The following PRKCZ variants were observed in gnomAD, a reference collection of about 807,000 sequenced individuals.
PRKCZ encodes the protein protein kinase C zeta.
In PRKCZ, 33 loss-of-function variants were observed where a neutral mutation model predicts 79.5. The observed-to-expected ratio is 0.41, with a 90% CI of 0.31 to 0.55. PRKCZ has a LOEUF of 0.55. Ranked by LOEUF, PRKCZ falls within the 20% of genes least tolerant of loss-of-function variation. The pLI, the probability that PRKCZ is intolerant of heterozygous loss-of-function variation, is 0.19. For missense variants in PRKCZ, 578 were observed against 813.5 expected (o/e 0.71, Z 3.52); for synonymous variants, 342 against 320.9 (o/e 1.07, Z -0.70).
chr1:2,176,687 G>A (rs1351300880), intron 16 of PRKCZ, among the ~76,000 whole-genome samples: 5 of 152,206 alleles, frequency 3.3e-5, no homozygotes, highest in African/African-American at 4.8e-5. Context: ...AGGCAGCCTC[G>A]GCCAGCGTGG....
chr1:2,183,465 G>A (rs1687042217), intron 16 of PRKCZ: 1 of 152,214 alleles, frequency 6.6e-6, no homozygotes, highest in Non-Finnish European at 1.5e-5. Flanking sequence ...GAGTGAGAGG[G>A]TGAATGGGAG....
At chr1:2,092,527 C>T (rs1665699554) in intron 4 of PRKCZ, among the ~76,000 whole-genome samples, 1 of 152,196 alleles carries the variant, frequency 6.6e-6, no homozygotes, top group Admixed American at 6.5e-5. Flanking sequence ...AAACCACCCT[C>T]GTTTTCTTAG....
rs544806572 is a variant in PRKCZ, at chr1:2,090,895, G to A, written c.334+31304G>A. Among the ~76,000 whole-genome samples the A allele has an allele frequency of 2.0e-5, 3 of 152,332 alleles. No homozygotes were observed. In the East Asian group the frequency reaches 5.8e-4, roughly 29 times the overall value. ...TTAGCTCTCCCTGTGGAATTTGTAG[G>A]ACCTCAGTTTTCTTGACATTATGAT... On this transcript the variant is annotated intron_variant, in intron 4 of 17. Transcript: ENST00000378567.
chr1:2,090,740 G>A (rs1175222428), intron 4 of PRKCZ, among the ~76,000 whole-genome samples: 1 of 152,246 alleles, frequency 6.6e-6, no homozygotes, highest in African/African-American at 2.4e-5. Context: ...GGGGCGTCTC[G>A]GAGAGAGCCA....
chr1:2,159,199 TACTG>T (rs1414075130), intron 10 of PRKCZ, among the ~76,000 whole-genome samples: 1 of 152,232 alleles, frequency 6.6e-6, no homozygotes, highest in Non-Finnish European at 1.5e-5. Flanking sequence ...CACAAATTCT[TACTG>T]ACCACACAGC....
chr1:2,146,871 T>C (rs1463626281), intron 7 of PRKCZ, among the ~76,000 whole-genome samples: 3 of 152,028 alleles, frequency 2.0e-5, no homozygotes, highest in East Asian at 1.9e-4. Context: ...TATACAGATA[T>C]TCATCCGTAC....
intron 3 of PRKCZ, among the ~76,000 whole-genome samples, chr1:2,058,730 T>TA (rs1660412157): frequency 6.6e-6 from 1 of 151,020 alleles, no homozygotes; most frequent in Admixed American, 6.6e-5. Context: ...ACCCCATCTC[T>TA]ACTATAAATA....
rs182533517 is a variant in PRKCZ at position 2,160,095 on chromosome 1, A to G, written c.974+4003A>G. Among the ~76,000 whole-genome samples, 62 of 152,260 alleles carry G rather than the reference A, an allele frequency of 4.1e-4. No homozygotes were observed. In the East Asian group the frequency reaches 6.2e-3, roughly 15 times the overall value. On this transcript the variant is annotated intron_variant, in intron 10 of 17. Coordinates refer to ENST00000378567, the MANE Select transcript of PRKCZ (RefSeq NM_002744.6). ...ATTATTTTACATTCATTCACACTCA[A>G]TGTTTCTTTAAAAAGAACAAACACA...
chr1:2,098,826 C>T (rs898515273), intron 4 of PRKCZ, among the ~76,000 whole-genome samples: 33 of 152,128 alleles, frequency 2.2e-4, no homozygotes, highest in African/African-American at 7.0e-4. Context: ...GGACTACAGG[C>T]GCCCACCACC....
At chr1:2,167,820 G>A (rs1245236023) in intron 10 of PRKCZ, among the ~76,000 whole-genome samples, 1 of 152,162 alleles carries the variant, frequency 6.6e-6, no homozygotes, top group Non-Finnish European at 1.5e-5. Flanking sequence ...GGCCAGGATG[G>A]TCTCGAACTC....
intron 4 of PRKCZ, chr1:2,074,669 A>G (rs2254669): frequency 0.45 from 145,740 of 325,206 alleles, 40,696 homozygotes; most frequent in East Asian, 0.95. Context: ...TGGGTGGCAC[A>G]GCCAGGGTTA....
At chr1:2,105,675 C>T (rs1360278122) in intron 4 of PRKCZ, among the ~76,000 whole-genome samples, 4 of 152,226 alleles carry the variant, frequency 2.6e-5, no homozygotes, top group Non-Finnish European at 4.4e-5. Context: ...GCTGGGATTA[C>T]AGGCGTGAGC....
At chr1:2,090,072 C>T (rs544742168) in intron 4 of PRKCZ, among the ~76,000 whole-genome samples, 10 of 152,276 alleles carry the variant, frequency 6.6e-5, no homozygotes, top group Non-Finnish European at 5.9e-5. Flanking sequence ...GCCGTGTCCA[C>T]GTTACCCTCT....
At chr1:2,139,850 C>G (rs1676968836) in intron 5 of PRKCZ, among the ~76,000 whole-genome samples, 1 of 152,206 alleles carries the variant, frequency 6.6e-6, no homozygotes, top group Non-Finnish European at 1.5e-5. Context: ...TAGCTACTCC[C>G]TTTGCTGTGA....
rs1466762810 is a variant in PRKCZ at position 2,125,264 on chromosome 1, C to T, written c.335-9998C>T. On this transcript the variant is annotated intron_variant, in intron 4 of 17. Coordinates refer to ENST00000378567, the MANE Select transcript of PRKCZ (RefSeq NM_002744.6). The surrounding 1 kb of genome is among the most constrained non-coding windows in gnomAD (Gnocchi z 4.2). ...TTGCAACTGACTGCTTGGAAGTTGG[C>T]GTACATCTTTCCACGGAAACTATGA... 4.6e-5 allele frequency among the ~76,000 whole-genome samples: 7 copies of T among 152,196 alleles called. No individual in the cohort carries two copies. Among genetic ancestry groups the T allele is most frequent in the Admixed American group, 3.3e-4 (5 of 15,282 alleles).
chr1:2,073,119 A>AG (rs2102313875), intron 4 of PRKCZ, among the ~76,000 whole-genome samples: 1 of 152,114 alleles, frequency 6.6e-6, no homozygotes, highest in South Asian at 2.1e-4. Flanking sequence ...AGCCAGGCAC[A>AG]GCACAGCCCG....
chr1:2,177,319 C>T lies in PRKCZ; in HGVS notation c.1575+2006C>T, dbSNP rs565991459. Among the ~76,000 whole-genome samples, 1 of 152,302 alleles carries T rather than the reference C, an allele frequency of 6.6e-6. No individual in the cohort carries two copies. The highest frequency in any genetic ancestry group is 1.9e-4 in the East Asian group (1 of 5,176). The stretch of plus-strand genomic sequence containing the variant: ...AGGAGCCAGCATCCCCGCTCCCAGC[C>T]ACCTCCCCTCGCCCGTCTCAGCTCA... On this transcript the variant is annotated intron_variant, in intron 16 of 17. Transcript: ENST00000378567. This position sits in a 1 kb window ranked among gnomAD's most constrained non-coding sequence, Gnocchi z 6.4.
At chr1:2,050,730 G>T (rs920765648) in intron 1 of PRKCZ, 29 bp downstream of exon 1, 13 of 1,176,596 alleles carry the variant, frequency 1.1e-5, no homozygotes, top group Non-Finnish European at 1.4e-5. Flanking sequence ...GGGGAGCGGC[G>T]CGGGTGAGGC....
chr1:2,101,828 G>A (rs1016384219), intron 4 of PRKCZ, among the ~76,000 whole-genome samples: 1 of 152,206 alleles, frequency 6.6e-6, no homozygotes, highest in South Asian at 2.1e-4. Flanking sequence ...TGATCGAGAC[G>A]CACAGTAGAC....
Sources: gnomAD v4.1 joint callset for allele counts (sites outside exome capture counted in the v4.1 genomes callset) on GRCh38, gnomAD v4.1.1 for gene constraint, Gnocchi (gnomAD v3.1) non-coding constraint, MANE v1.5 for transcripts, NCBI Gene and HGNC (gene_info 2026-07-23, HGNC 2026-07-21) for gene names.